The following TRHDE variants were observed in gnomAD, a reference collection of about 807,000 sequenced individuals.
TRHDE encodes the protein thyrotropin-releasing hormone-degrading ectoenzyme.
Under a neutral mutation model 125.7 loss-of-function variants are expected in TRHDE, and 72 were observed. That is an observed-to-expected ratio of 0.57 (90% CI 0.47 to 0.70). The LOEUF is 0.70. TRHDE is among the 30% of genes least tolerant of loss of function. The probability of loss-of-function intolerance (pLI) is 0.00; values close to 1 mark genes in which losing one functional copy is unlikely to be tolerated. For missense variants in TRHDE, 1,110 were observed against 1,327.1 expected (o/e 0.84, Z 2.54); for synonymous variants, 509 against 509.1 (o/e 1.00, Z 0.00).
intron 18 of TRHDE, among the ~76,000 whole-genome samples, chr12:72,659,089 T>C (rs1206248665): frequency 1.3e-5 from 2 of 152,112 alleles, no homozygotes; most frequent in African/African-American, 2.4e-5. Context: ...GGTTTATAGA[T>C]CAAAAGGGAA....
intron 2 of TRHDE, among the ~76,000 whole-genome samples, chr12:72,320,514 A>G (rs1032596252): frequency 4.0e-4 from 60 of 150,412 alleles, no homozygotes; most frequent in Non-Finnish European, 7.4e-5. Context: ...GAATCTTCAG[A>G]TGTAGAACCT....
In TRHDE at chr12:72,166,907, CGTGTGTGTGTGTGTGTGT is replaced by C. The variant is rs59590935; in HGVS notation, n.279+61184_279+61201del. ...AATGGAAGAATAAAAGGTAGATGAACGTGTGTGTGTGTGTGTGTGTGTGTGTGTGTGTGTGTGTGTGTG... is the reference window on the plus strand; with the variant it reads ...AATGGAAGAATAAAAGGTAGATGAACGTGTGTGTGTGTGTGTGTGTGTGTG... On this transcript the variant is annotated intron_variant and non_coding_transcript_variant, in intron 2 of 4. Coordinates refer to the TRHDE transcript ENST00000548156. 1.4e-3 allele frequency among the ~76,000 whole-genome samples: 196 copies of C among 139,332 alleles called. 2 individuals carry two copies. Among genetic ancestry groups the C allele is most frequent in the African/African-American group, 4.7e-3 (175 of 36,996 alleles). 91.4% of individuals were successfully genotyped at this position (139,332 alleles called of 152,430 possible). A position where few individuals can be genotyped will look rare whatever the true frequency, so the allele number is the denominator to read the frequency against.
At chr12:72,310,790 A>C (rs1006644405) in intron 2 of TRHDE, among the ~76,000 whole-genome samples, 11 of 152,158 alleles carry the variant, frequency 7.2e-5, no homozygotes, top group Non-Finnish European at 1.5e-4. Flanking sequence ...GAAATTTGAC[A>C]GTCCCTAATC....
chr12:72,525,642 A>T (rs748821041), intron 6 of TRHDE, among the ~76,000 whole-genome samples: 8,392 of 131,992 alleles, frequency 0.064, 303 homozygotes, highest in Middle Eastern at 0.15. Flanking sequence ...TGTGAGAGAG[A>T]GAGAGAGAGA....
At chr12:72,158,861 T>C (rs1043041798) in intron 2 of TRHDE, among the ~76,000 whole-genome samples, 1 of 152,226 alleles carries the variant, frequency 6.6e-6, no homozygotes. Flanking sequence ...CCATGCTAAC[T>C]TATTCACCAT....
At chr12:72,522,141 T>C (rs767060557) in intron 6 of TRHDE, among the ~76,000 whole-genome samples, 17 of 152,204 alleles carry the variant, frequency 1.1e-4, no homozygotes, top group Non-Finnish European at 1.5e-5. Context: ...TTGCCCAGCA[T>C]TGCAGTTAGT....
chr12:72,595,670 C>T (rs1871908416), intron 12 of TRHDE, among the ~76,000 whole-genome samples: 1 of 152,092 alleles, frequency 6.6e-6, no homozygotes, highest in Non-Finnish European at 1.5e-5. Context: ...GTCTTAGCTT[C>T]AATAAAATAT....
At chr12:72,536,797 A>G (rs573495335) in intron 6 of TRHDE, among the ~76,000 whole-genome samples, 62 of 152,182 alleles carry the variant, frequency 4.1e-4, no homozygotes, top group African/African-American at 1.5e-3. Flanking sequence ...GCAAGTTCAT[A>G]TCTGTCTTCT....
chr12:72,452,474 T>C (rs540944165), intron 3 of TRHDE, among the ~76,000 whole-genome samples: 2 of 152,310 alleles, frequency 1.3e-5, no homozygotes, highest in South Asian at 4.1e-4. Context: ...TCCAGGACTA[T>C]GTTTACTGGA....
chr12:72,611,642 G>A (rs1872637960), intron 12 of TRHDE, among the ~76,000 whole-genome samples: 1 of 152,168 alleles, frequency 6.6e-6, no homozygotes, highest in Admixed American at 6.5e-5. Context: ...AATAATTGGA[G>A]TGTAAAGAAG....
At chr12:72,601,233 T>C (rs763549020) in intron 12 of TRHDE, among the ~76,000 whole-genome samples, 6 of 152,080 alleles carry the variant, frequency 3.9e-5, no homozygotes, top group African/African-American at 4.8e-5. Context: ...TCACTACATA[T>C]GTGGTAGAAA....
At chr12:72,115,427 C>G (rs1425422566) in intron 2 of TRHDE, among the ~76,000 whole-genome samples, 1 of 152,008 alleles carries the variant, frequency 6.6e-6, no homozygotes, top group Non-Finnish European at 1.5e-5. Flanking sequence ...AAGTACCACA[C>G]TTTGTTTATC....
At chr12:72,473,248 C>CT in intron 5 of TRHDE, 68 bp downstream of exon 5, 1 of 1,234,618 alleles carries the variant, frequency 8.1e-7, no homozygotes. Context: ...AGGCTTATAC[C>CT]ATCCTTAGAG....
chr12:72,158,592 A>G (rs1876569475), intron 2 of TRHDE, among the ~76,000 whole-genome samples: 1 of 152,064 alleles, frequency 6.6e-6, no homozygotes, highest in South Asian at 2.1e-4. Context: ...TATTTCTGGT[A>G]TTACTTTTTA....
intron 17 of TRHDE, among the ~76,000 whole-genome samples, chr12:72,654,375 T>C (rs927559735): frequency 2.6e-5 from 4 of 152,202 alleles, no homozygotes; most frequent in Non-Finnish European, 4.4e-5. Context: ...TAATCTTCAC[T>C]GGCTCCTGCT....
rs1875959825 is a variant in TRHDE, at chr12:72,458,334, G to A, written c.1316-11424G>A. On this transcript the variant is annotated intron_variant, in intron 3 of 18. Coordinates refer to ENST00000261180, the MANE Select transcript of TRHDE (RefSeq NM_013381.3). ...GTCAACTCTTCCCTCCCCTGTGGAT[G>A]GATCACTACTCTTAAATGATGCGAT... Among the ~76,000 whole-genome samples the A allele has an allele frequency of 2.0e-5, 3 of 152,096 alleles. No individual in the cohort carries two copies. In the South Asian group the frequency reaches 6.2e-4, roughly 31 times the overall value.
intron 6 of TRHDE, among the ~76,000 whole-genome samples, chr12:72,503,887 C>G (rs1019200741): frequency 2.6e-5 from 4 of 152,132 alleles, no homozygotes; most frequent in Non-Finnish European, 4.4e-5. Context: ...CTGGCCAATC[C>G]TTGTGTCCAC....
chr12:72,620,296 G>A (rs1437319360), intron 13 of TRHDE, among the ~76,000 whole-genome samples: 1 of 142,960 alleles, frequency 7.0e-6, no homozygotes, highest in Non-Finnish European at 1.5e-5. Context: ...ACATTAAAGT[G>A]AGGGAGAGCC....
intron 2 of TRHDE, among the ~76,000 whole-genome samples, chr12:72,366,011 C>T (rs1871325757): frequency 6.6e-6 from 1 of 152,046 alleles, no homozygotes; most frequent in Admixed American, 6.6e-5. Flanking sequence ...ATTTTTTTCA[C>T]ATTTCTGTCT....
Sources: allele counts gnomAD v4.1 joint callset (sites outside exome capture counted in the v4.1 genomes callset), GRCh38; gene constraint gnomAD v4.1.1; transcripts MANE v1.5; gene names NCBI Gene and HGNC (gene_info 2026-07-23, HGNC 2026-07-21).